GRIA1: variants seen among roughly 807,000 people sequenced by gnomAD.
GRIA1 encodes glutamate ionotropic receptor AMPA type subunit 1, also known as glutamate receptor 1.
Under a neutral mutation model 99.2 loss-of-function variants are expected in GRIA1, and 31 were observed. The observed-to-expected ratio is 0.31, with a 90% CI of 0.23 to 0.42. The LOEUF (loss-of-function observed/expected upper bound fraction) is 0.42. Among genes scored for constraint, GRIA1 ranks in the 10% least tolerant of loss-of-function variants. The pLI is 1.00. For missense variants in GRIA1, 782 were observed against 1,157.5 expected, an observed-to-expected ratio of 0.68 and a Z score of 4.71; for synonymous variants, 438 against 432.4, an observed-to-expected ratio of 1.01 and a Z score of -0.16.
intron 2 of GRIA1, among the ~76,000 whole-genome samples, chr5:153,646,580 A>G (rs1338192973): frequency 6.6e-6 from 1 of 152,230 alleles, no homozygotes; most frequent in Non-Finnish European, 1.5e-5. Context: ...CAAGTAAGGT[A>G]ATAGATGAAA....
chr5:153,676,876 C>T (rs1756625392), intron 6 of GRIA1, 118 bp from the exon 7 acceptor site: 22 of 663,376 alleles, frequency 3.3e-5, no homozygotes, highest in Non-Finnish European at 4.5e-5. Context: ...GTATACCATG[C>T]ATCTGGCCCA....
At chr5:153,668,612 T>C (rs946562539) in intron 5 of GRIA1, among the ~76,000 whole-genome samples, 1 of 152,212 alleles carries the variant, frequency 6.6e-6, no homozygotes, top group Admixed American at 6.5e-5. Flanking sequence ...CTATATGGTT[T>C]GCAAAGCCTA....
chr5:153,800,695 T>A (rs1393636485), intron 14 of GRIA1, among the ~76,000 whole-genome samples: 1 of 152,258 alleles, frequency 6.6e-6, no homozygotes, highest in East Asian at 1.9e-4. Context: ...GAAGGGATGC[T>A]GCTATTTACC....
At chr5:153,599,394 A>T (rs1014860579) in intron 2 of GRIA1, among the ~76,000 whole-genome samples, 1 of 152,098 alleles carries the variant, frequency 6.6e-6, no homozygotes, top group African/African-American at 2.4e-5. Context: ...GCACTTAGAC[A>T]GTACAGCAAT....
In GRIA1 at chr5:153,636,595, GC is replaced by G. The variant is rs1753377227; in HGVS notation, c.221-10331del. 2.0e-5 allele frequency among the ~76,000 whole-genome samples: 3 copies of G among 152,288 alleles called. 1 individual carries two copies. The highest frequency in any genetic ancestry group is 2.0e-4 in the Admixed American group (3 of 15,302). The stretch of plus-strand genomic sequence containing the variant: ...ATTTGGCTTTTTGCAGAAAAAGTTT[GC>G]CTATACCTGGCATAGAGGAGCAAAG... On this transcript the variant is annotated intron_variant, in intron 2 of 15. Coordinates refer to ENST00000285900, the MANE Select transcript of GRIA1 (RefSeq NM_000827.4).
intron 2 of GRIA1, among the ~76,000 whole-genome samples, chr5:153,560,225 A>G (rs1761004544): frequency 6.6e-6 from 1 of 152,122 alleles, no homozygotes; most frequent in Admixed American, 6.5e-5. Context: ...CTGTTGGATT[A>G]TTTTAGCTGA....
At chr5:153,712,902 ACT>A (rs1223437376) in intron 11 of GRIA1, among the ~76,000 whole-genome samples, 1 of 152,028 alleles carries the variant, frequency 6.6e-6, no homozygotes, top group Non-Finnish European at 1.5e-5. Context: ...AGAATTTGAA[ACT>A]CTGCAGTTGG....
At chr5:153,571,517 T>A (rs1225177143) in intron 2 of GRIA1, among the ~76,000 whole-genome samples, 1 of 152,168 alleles carries the variant, frequency 6.6e-6, no homozygotes, top group Non-Finnish European at 1.5e-5. Flanking sequence ...TGTCACTAAG[T>A]AATCTTTTTA....
At chr5:153,692,573 G>A (rs1050040344) in intron 8 of GRIA1, among the ~76,000 whole-genome samples, 7 of 152,150 alleles carry the variant, frequency 4.6e-5, no homozygotes, top group Non-Finnish European at 1.0e-4. Flanking sequence ...GAGATAAGTA[G>A]TGGCAACACA....
At chr5:153,524,287 A>T (rs1757414285) in intron 2 of GRIA1, among the ~76,000 whole-genome samples, 1 of 152,222 alleles carries the variant, frequency 6.6e-6, no homozygotes, top group Non-Finnish European at 1.5e-5. Flanking sequence ...AGGTCACGCC[A>T]CTGCACTCCA....
chr5:153,762,335 A>T (rs1763239536), intron 11 of GRIA1, among the ~76,000 whole-genome samples: 1 of 152,184 alleles, frequency 6.6e-6, no homozygotes, highest in African/African-American at 2.4e-5. Context: ...TAAAAAGGAA[A>T]GAGGTACAGT....
chr5:153,635,703 C>CCAGCAT (rs1753298517), intron 2 of GRIA1, among the ~76,000 whole-genome samples: 1 of 152,168 alleles, frequency 6.6e-6, no homozygotes, highest in Non-Finnish European at 1.5e-5. Flanking sequence ...AGCCCCTGGC[C>CCAGCAT]CAGCATTCCT....
intron 2 of GRIA1, among the ~76,000 whole-genome samples, chr5:153,597,643 A>C (rs1764542838): frequency 6.6e-6 from 1 of 152,202 alleles, no homozygotes; most frequent in African/African-American, 2.4e-5. Flanking sequence ...CCTATTATTG[A>C]ATAAACTTTG....
At chr5:153,789,364 T>G (rs908871579) in intron 13 of GRIA1, among the ~76,000 whole-genome samples, 3 of 150,466 alleles carry the variant, frequency 2.0e-5, no homozygotes, top group Non-Finnish European at 4.4e-5. Flanking sequence ...TAAATAAATA[T>G]ATATGTTGTG....
chr5:153,523,048 A>G (rs1757297153), intron 2 of GRIA1, among the ~76,000 whole-genome samples: 1 of 71,822 alleles, frequency 1.4e-5, no homozygotes, highest in Admixed American at 1.2e-4. Flanking sequence ...CTCTCTCTCA[A>G]TGATCCATCT....
At chr5:153,778,889 T>C (rs1425139879) in intron 13 of GRIA1, among the ~76,000 whole-genome samples, 2 of 152,104 alleles carry the variant, frequency 1.3e-5, no homozygotes, top group Non-Finnish European at 2.9e-5. Flanking sequence ...ATATCACAGG[T>C]GGATGTCTTA....
intron 2 of GRIA1, chr5:153,558,116 T>A (rs906500656): frequency 7.2e-5 from 11 of 152,302 alleles, no homozygotes; most frequent in African/African-American, 2.6e-4. Flanking sequence ...TTGTGCTACA[T>A]TACTATGGCC....
intron 2 of GRIA1, among the ~76,000 whole-genome samples, chr5:153,575,447 A>G (rs1368280312): frequency 2.6e-5 from 4 of 152,220 alleles, no homozygotes; most frequent in Non-Finnish European, 5.9e-5. Flanking sequence ...CAGACCCACA[A>G]TCCGGCACTT....
intron 11 of GRIA1, among the ~76,000 whole-genome samples, chr5:153,756,344 G>A (rs1762826555): frequency 6.6e-6 from 1 of 152,290 alleles, no homozygotes; most frequent in African/African-American, 2.4e-5. Context: ...GGCTACTGGG[G>A]TGAGCTCACC....
Sources: allele counts gnomAD v4.1 joint callset (sites outside exome capture counted in the v4.1 genomes callset), GRCh38; gene constraint gnomAD v4.1.1; transcripts MANE v1.5; gene names NCBI Gene and HGNC (gene_info 2026-07-23, HGNC 2026-07-21).